Variants in UNC5D observed in about 807,000 individuals in gnomAD.
UNC5D encodes the protein unc-5 netrin receptor D.
UNC5D carries 39 observed loss-of-function variants against 105.4 expected under a neutral mutation model. The observed-to-expected ratio is 0.37, with a 90% CI of 0.29 to 0.48. UNC5D has a LOEUF of 0.48. UNC5D is among the 20% of genes least tolerant of loss of function. The probability of loss-of-function intolerance (pLI) is 0.98; values close to 1 mark genes in which losing one functional copy is unlikely to be tolerated. For synonymous variants in UNC5D, 452 were observed against 450.4 expected (o/e 1.00, Z -0.04); for missense variants, 991 against 1,202.4 (o/e 0.82, Z 2.60).
chr8:35,462,943 T>C (rs1167940985), intron 1 of UNC5D, among the ~76,000 whole-genome samples: 1 of 152,124 alleles, frequency 6.6e-6, no homozygotes, highest in African/African-American at 2.4e-5. Flanking sequence ...TAGCTAAAAG[T>C]AGATTGTTTT....
intron 1 of UNC5D, among the ~76,000 whole-genome samples, chr8:35,518,407 T>A (rs919963108): frequency 2.0e-5 from 3 of 152,160 alleles, no homozygotes; most frequent in Non-Finnish European, 4.4e-5. Flanking sequence ...TTTATAAAAA[T>A]TTATGAAAAT....
intron 16 of UNC5D, among the ~76,000 whole-genome samples, chr8:35,785,604 G>T (rs1194736741): frequency 6.6e-5 from 10 of 152,002 alleles, no homozygotes; most frequent in Non-Finnish European, 1.5e-4. Flanking sequence ...CAGGTGATCT[G>T]CCCACCTCGG....
chr8:35,525,321 A>C (rs1467962913), intron 1 of UNC5D: 9 of 1,611,988 alleles, frequency 5.6e-6, no homozygotes, highest in Non-Finnish European at 7.6e-6. Context: ...ACAGTTTTCC[A>C]CTTGATATGG....
chr8:35,562,135 C>A (rs544015666), intron 2 of UNC5D, among the ~76,000 whole-genome samples: 115 of 152,288 alleles, frequency 7.6e-4, no homozygotes, highest in African/African-American at 2.7e-3. Flanking sequence ...TTTGTCTCTG[C>A]ACTTGGCTTA....
At chr8:35,440,297 A>G (rs1406526351) in intron 1 of UNC5D, among the ~76,000 whole-genome samples, 1 of 151,938 alleles carries the variant, frequency 6.6e-6, no homozygotes, top group East Asian at 1.9e-4. Flanking sequence ...TATCATGGGG[A>G]CACATCACAG....
intron 1 of UNC5D, among the ~76,000 whole-genome samples, chr8:35,511,661 T>G (rs1173161666): frequency 6.6e-6 from 1 of 151,640 alleles, no homozygotes; most frequent in African/African-American, 2.4e-5. Context: ...TTGGCTTTTC[T>G]GGGCCACATT....
intron 4 of UNC5D, among the ~76,000 whole-genome samples, chr8:35,625,247 G>C (rs1385867102): frequency 6.6e-6 from 1 of 152,116 alleles, no homozygotes; most frequent in East Asian, 1.9e-4. Context: ...AAAAATGTTA[G>C]AAATGCGCCT....
chr8:35,389,480 A>T (rs1803634965), intron 1 of UNC5D, among the ~76,000 whole-genome samples: 1 of 152,116 alleles, frequency 6.6e-6, no homozygotes, highest in African/African-American at 2.4e-5. Flanking sequence ...TTGTTTGGAA[A>T]ACAATACCAT....
chr8:35,441,561 C>A (rs1462509418), intron 1 of UNC5D, among the ~76,000 whole-genome samples: 1 of 151,692 alleles, frequency 6.6e-6, no homozygotes, highest in Non-Finnish European at 1.5e-5. Flanking sequence ...GAATTGTGAA[C>A]TTTTTAATAT....
At chr8:35,368,339 G>T (rs1023030773) in intron 1 of UNC5D, among the ~76,000 whole-genome samples, 1 of 151,804 alleles carries the variant, frequency 6.6e-6, no homozygotes, top group East Asian at 1.9e-4. Flanking sequence ...ACACATGTGC[G>T]CATGCATGCA....
chr8:35,660,508 G>C (rs1824040902), intron 4 of UNC5D, among the ~76,000 whole-genome samples: 1 of 152,156 alleles, frequency 6.6e-6, no homozygotes. Flanking sequence ...CTCTCTGGTG[G>C]TGTTTATCAC....
chr8:35,386,133 C>A (rs1803382127), intron 1 of UNC5D, among the ~76,000 whole-genome samples: 1 of 152,094 alleles, frequency 6.6e-6, no homozygotes, highest in Non-Finnish European at 1.5e-5. Flanking sequence ...ATTTTTACAT[C>A]TTTCTCCCAA....
intron 1 of UNC5D, among the ~76,000 whole-genome samples, chr8:35,285,799 T>G (rs1361215358): frequency 6.6e-6 from 1 of 152,156 alleles, no homozygotes; most frequent in East Asian, 1.9e-4. Flanking sequence ...CCCTTATGCA[T>G]GAATCTGACA....
intron 1 of UNC5D, 45 bp downstream of exon 1, chr8:35,235,932 G>A (rs1279278771): frequency 2.5e-6 from 3 of 1,219,366 alleles, no homozygotes; most frequent in East Asian, 3.2e-5. Context: ...GGGCGCAGGG[G>A]CGCCAGCCTG....
At chr8:35,442,116 T>A (rs1807446125) in intron 1 of UNC5D, among the ~76,000 whole-genome samples, 1 of 151,972 alleles carries the variant, frequency 6.6e-6, no homozygotes, top group African/African-American at 2.4e-5. Context: ...TAAATTGACA[T>A]AAACACATTT....
chr8:35,626,635 C>T (rs1347110744), intron 4 of UNC5D, among the ~76,000 whole-genome samples: 1 of 152,192 alleles, frequency 6.6e-6, no homozygotes, highest in Non-Finnish European at 1.5e-5. Flanking sequence ...TAGCAAGGTA[C>T]AATTTCCACT....
Position 35,247,994 on chromosome 8 carries a change from A to T in UNC5D, c.103+12107A>T, listed in dbSNP as rs1413294631. On this transcript the variant is annotated intron_variant, in intron 1 of 16. Transcript: ENST00000404895. ...ATAAAATATATATAATATATAAATA[A>T]ATATTATATATAAAATATATATAAT... Among the ~76,000 whole-genome samples, 36 of 20,314 alleles carry T rather than the reference A, an allele frequency of 1.8e-3. 1 individual carries two copies. The highest frequency in any genetic ancestry group is 1.9e-3 in the Non-Finnish European group (26 of 13,748). The allele number at this position is 20,314 out of a possible 152,430, so 13.3% of individuals were successfully genotyped here.
At chr8:35,424,342 T>C (rs1806108537) in intron 1 of UNC5D, among the ~76,000 whole-genome samples, 2 of 152,244 alleles carry the variant, frequency 1.3e-5, no homozygotes, top group South Asian at 2.1e-4. Context: ...CATTTCACCA[T>C]GTAATCAATA....
At chr8:35,629,670 T>A (rs945689697) in intron 4 of UNC5D, among the ~76,000 whole-genome samples, 2 of 152,228 alleles carry the variant, frequency 1.3e-5, no homozygotes, top group African/African-American at 2.4e-5. Flanking sequence ...AACAATCATG[T>A]ACATGGATCC....
Sources: allele counts gnomAD v4.1 joint callset (sites outside exome capture counted in the v4.1 genomes callset), GRCh38; gene constraint gnomAD v4.1.1; transcripts MANE v1.5; gene names NCBI Gene and HGNC (gene_info 2026-07-23, HGNC 2026-07-21).